Variants in ROBO2 observed in about 807,000 individuals in gnomAD.
ROBO2 encodes roundabout guidance receptor 2, also known as roundabout homolog 2.
A neutral mutation model predicts 160.8 loss-of-function variants in ROBO2; 53 were observed. The observed-to-expected ratio is 0.33, with a 90% confidence interval of 0.26 to 0.41. ROBO2 has a LOEUF of 0.41. Among genes scored for constraint, ROBO2 ranks in the 10% least tolerant of loss-of-function variants. ROBO2 has a pLI of 1.00. For missense variants in ROBO2, 1,577 were observed against 1,722.4 expected (o/e 0.92, Z 1.49); for synonymous variants, 664 against 611.7 (o/e 1.09, Z -1.26).
intron 2 of ROBO2, among the ~76,000 whole-genome samples, chr3:76,528,938 C>T (rs949160965): frequency 1.3e-5 from 2 of 152,032 alleles, no homozygotes; most frequent in Admixed American, 6.6e-5. Context: ...GTCTCATATT[C>T]TGATAGGCCA....
At chr3:76,817,050 A>C (rs936869181) in intron 2 of ROBO2, among the ~76,000 whole-genome samples, 1 of 152,088 alleles carries the variant, frequency 6.6e-6, no homozygotes, top group Non-Finnish European at 1.5e-5. Context: ...GGAGGGGAAC[A>C]TCAAACACTG....
chr3:76,034,915 C>T (rs1218791676), intron 2 of ROBO2, among the ~76,000 whole-genome samples: 1 of 152,090 alleles, frequency 6.6e-6, no homozygotes, highest in African/African-American at 2.4e-5. Flanking sequence ...TCAGCGCTCT[C>T]TGTTGTATCT....
At chr3:76,926,755 C>G (rs1303623989) in intron 2 of ROBO2, among the ~76,000 whole-genome samples, 1 of 152,162 alleles carries the variant, frequency 6.6e-6, no homozygotes, top group Non-Finnish European at 1.5e-5. Context: ...GTGAATGAAG[C>G]TGCAGATCTC....
At chr3:77,094,994 T>A (rs1308161478) in intron 1 of ROBO2, among the ~76,000 whole-genome samples, 1 of 152,166 alleles carries the variant, frequency 6.6e-6, no homozygotes, top group Non-Finnish European at 1.5e-5. Flanking sequence ...GTAGTATTCT[T>A]TCAAGCACAA....
At chr3:76,629,441 C>T (rs2089888466) in intron 2 of ROBO2, among the ~76,000 whole-genome samples, 1 of 152,102 alleles carries the variant, frequency 6.6e-6, no homozygotes, top group African/African-American at 2.4e-5. Flanking sequence ...GAAGCCAGTC[C>T]AAGTTCCAAA....
intron 2 of ROBO2, among the ~76,000 whole-genome samples, chr3:77,220,836 GAAT>G (rs549779617): frequency 1.6e-3 from 245 of 152,104 alleles, no homozygotes; most frequent in Non-Finnish European, 2.7e-3. Flanking sequence ...AAAAAAAGAT[GAAT>G]TATTGTTGAA....
chr3:77,126,980 G>A (rs1032986288), intron 2 of ROBO2, among the ~76,000 whole-genome samples: 5 of 151,204 alleles, frequency 3.3e-5, no homozygotes, highest in African/African-American at 1.2e-4. Flanking sequence ...TAGTAGAGAC[G>A]GGGTTTCACC....
At chr3:76,095,073 GAC>G (rs2069384935) in intron 2 of ROBO2, among the ~76,000 whole-genome samples, 1 of 152,096 alleles carries the variant, frequency 6.6e-6, no homozygotes, top group Non-Finnish European at 1.5e-5. Context: ...CGATATGGAA[GAC>G]ACACTAAAAA....
rs11921405 is a variant in ROBO2 at position 75,940,830 on chromosome 3, A to G, written c.109+3228A>G. On this transcript the variant is annotated intron_variant, in intron 2 of 26. Transcript: ENST00000487694. ...AATTAATGGCACAGCGGGCAAAACC[A>G]TGGGGGTGTTTCCTGAGAAAGAGGG... Among the ~76,000 whole-genome samples, 196 of 152,242 alleles carry G rather than the reference A, an allele frequency of 1.3e-3. 1 individual carries two copies. Among genetic ancestry groups the G allele is most frequent in the African/African-American group, 4.6e-3 (193 of 41,564 alleles).
intron 2 of ROBO2, among the ~76,000 whole-genome samples, chr3:77,381,121 C>T (rs1356999122): frequency 2.0e-5 from 3 of 152,194 alleles, no homozygotes. Flanking sequence ...CAAGACCATC[C>T]TGGCTAACAC....
intron 2 of ROBO2, among the ~76,000 whole-genome samples, chr3:76,132,378 C>A (rs1468052960): frequency 1.9e-5 from 2 of 106,838 alleles, no homozygotes; most frequent in African/African-American, 6.7e-5. Flanking sequence ...TAACACCTGC[C>A]CAAATTCCAG....
At chr3:76,037,460 T>TTGGC (rs1459974665) in intron 2 of ROBO2, among the ~76,000 whole-genome samples, 1 of 151,802 alleles carries the variant, frequency 6.6e-6, no homozygotes, top group African/African-American at 2.4e-5. Flanking sequence ...GTTTCACTTG[T>TTGGC]TGGCTGGGCT....
At chr3:77,293,317 G>GT (rs199541619) in intron 2 of ROBO2, among the ~76,000 whole-genome samples, 15,064 of 149,458 alleles carry the variant, frequency 0.1, 1,008 homozygotes, top group East Asian at 0.34. Context: ...GGTTAAACGG[G>GT]AAGTTGAGGC....
intron 2 of ROBO2, among the ~76,000 whole-genome samples, chr3:76,050,190 C>G (rs1476404988): frequency 6.6e-6 from 1 of 152,138 alleles, no homozygotes; most frequent in Non-Finnish European, 1.5e-5. Flanking sequence ...GCCATTGTGG[C>G]TAAGAGAAAA....
chr3:76,933,170 T>C (rs2077466033), intron 2 of ROBO2, among the ~76,000 whole-genome samples: 1 of 152,206 alleles, frequency 6.6e-6, no homozygotes, highest in Non-Finnish European at 1.5e-5. Flanking sequence ...TTCCCAAGTC[T>C]CATTAGTTTT....
chr3:76,392,727 A>ACT (rs2077218609), intron 2 of ROBO2, among the ~76,000 whole-genome samples: 1 of 152,192 alleles, frequency 6.6e-6, no homozygotes, highest in Non-Finnish European at 1.5e-5. Flanking sequence ...ATATGTTAGA[A>ACT]ATATCAGAAC....
At chr3:77,377,867 T>G (rs1440856958) in intron 2 of ROBO2, among the ~76,000 whole-genome samples, 10 of 152,222 alleles carry the variant, frequency 6.6e-5, no homozygotes, top group Non-Finnish European at 1.5e-4. Flanking sequence ...TGGTATTAGT[T>G]CTTCAGCCTG....
intron 11 of ROBO2, among the ~76,000 whole-genome samples, chr3:77,563,918 T>TA: frequency 6.6e-6 from 1 of 152,264 alleles, no homozygotes; most frequent in Admixed American, 6.5e-5. Context: ...TTTAAAGATT[T>TA]AAATGTAAAT....
chr3:76,769,140 C>G (rs982172767), intron 2 of ROBO2, among the ~76,000 whole-genome samples: 32 of 151,358 alleles, frequency 2.1e-4, no homozygotes, highest in Non-Finnish European at 3.7e-4. Context: ...CTTGACAGAC[C>G]CAGTTGTTCT....
Sources: allele counts gnomAD v4.1 joint callset (sites outside exome capture counted in the v4.1 genomes callset), GRCh38; gene constraint gnomAD v4.1.1; transcripts MANE v1.5; gene names NCBI Gene and HGNC (gene_info 2026-07-23, HGNC 2026-07-21).